Variants in MAST2 observed in about 807,000 individuals in gnomAD.
The protein encoded by MAST2 is microtubule-associated serine/threonine-protein kinase 2.
MAST2 carries 70 observed loss-of-function variants against 147.4 expected under a neutral mutation model. The observed-to-expected ratio is 0.47, with a 90% CI of 0.39 to 0.58. MAST2 has a LOEUF of 0.58. MAST2 is among the 20% of genes least tolerant of loss of function. The probability of loss-of-function intolerance (pLI) is 0.00; values close to 1 mark genes in which losing one functional copy is unlikely to be tolerated. For missense variants in MAST2, 2,080 were observed against 2,302.3 expected, an observed-to-expected ratio of 0.90 and a Z score of 1.98; for synonymous variants, 869 against 896.8, an observed-to-expected ratio of 0.97 and a Z score of 0.55.
In MAST2 at chr1:46,010,850, CGA is replaced by C; in HGVS notation, c.1102_1103del (p.Asp368LeufsTer4). The C allele has an allele frequency of 6.2e-7, 1 of 1,614,178 alleles. No homozygotes were observed. The highest frequency in any genetic ancestry group is 8.5e-7 in the Non-Finnish European group (1 of 1,180,022). ...FIHHQVIEMA[R>X]DCLDKSRSGL... ...TCATCATCAGGTGATTGAGATGGCCCGAGACTGCCTGGATAAATCTCGGAGTG... is the reference window on the plus strand; with the variant it reads ...TCATCATCAGGTGATTGAGATGGCCCGACTGCCTGGATAAATCTCGGAGTG... On this transcript the variant is annotated frameshift_variant, in exon 10 of 29. Coordinates refer to ENST00000361297, the MANE Select transcript of MAST2 (RefSeq NM_015112.3). LOFTEE classifies it high-confidence loss of function.
At chr1:45,865,184 G>C (rs776630874) in intron 3 of MAST2, 1 of 454,164 alleles carries the variant, frequency 2.2e-6, no homozygotes, top group South Asian at 1.6e-5. Context: ...TCCTTTTAAT[G>C]TCTCTTGTAA....
intron 11 of MAST2, 138 bp downstream of exon 11, chr1:46,019,835 C>A: frequency 1.4e-6 from 1 of 723,900 alleles, no homozygotes; most frequent in Non-Finnish European, 2.3e-6. Context: ...GATTTGCCAC[C>A]ATTGGGGGAC....
chr1:45,989,781 G>A (rs770231971), intron 5 of MAST2, among the ~76,000 whole-genome samples: 8 of 152,050 alleles, frequency 5.3e-5, no homozygotes, highest in Admixed American at 1.3e-4. Flanking sequence ...TTGTTTTACT[G>A]TCTCCATAGT....
chr1:45,829,038 G>A (rs1451586980), intron 2 of MAST2, among the ~76,000 whole-genome samples: 1 of 152,124 alleles, frequency 6.6e-6, no homozygotes, highest in Non-Finnish European at 1.5e-5. Context: ...CTGAGCACAT[G>A]GAGTCTAGTG....
chr1:45,918,362 G>A (rs987997255), intron 4 of MAST2, among the ~76,000 whole-genome samples: 2 of 152,238 alleles, frequency 1.3e-5, no homozygotes, highest in African/African-American at 2.4e-5. Flanking sequence ...ACAGAGTCCA[G>A]TGATACTGGT....
At chr1:45,894,923 G>T (rs1433585007) in intron 4 of MAST2, among the ~76,000 whole-genome samples, 1 of 152,080 alleles carries the variant, frequency 6.6e-6, no homozygotes, top group Non-Finnish European at 1.5e-5. Flanking sequence ...AATTATTGAT[G>T]GTTATATCCC....
At chr1:45,934,416 G>T (rs796684046) in intron 4 of MAST2, among the ~76,000 whole-genome samples, 2 of 151,930 alleles carry the variant, frequency 1.3e-5, no homozygotes, top group African/African-American at 4.8e-5. Flanking sequence ...AACCCAGGAC[G>T]CAGAGCTTGC....
chr1:45,959,863 C>T (rs535253122), intron 5 of MAST2, among the ~76,000 whole-genome samples: 4 of 152,214 alleles, frequency 2.6e-5, no homozygotes, highest in African/African-American at 4.8e-5. Flanking sequence ...GAGGGTTTTT[C>T]GTCTAATGGG....
intron 4 of MAST2, among the ~76,000 whole-genome samples, chr1:45,952,393 G>A (rs1275747465): frequency 6.6e-6 from 1 of 152,144 alleles, no homozygotes; most frequent in Non-Finnish European, 1.5e-5. Context: ...GATGGAGAAT[G>A]ACTGCTAATG....
chr1:45,895,617 A>G (rs930743277), intron 4 of MAST2, among the ~76,000 whole-genome samples: 3 of 152,238 alleles, frequency 2.0e-5, no homozygotes, highest in Non-Finnish European at 4.4e-5. Flanking sequence ...AATTCTTTGG[A>G]CATTTGGTGG....
In MAST2 at chr1:46,023,316, T is replaced by C. The variant is rs1646266745; in HGVS notation, c.1569T>C (p.Tyr523=). 1 of 1,613,912 alleles carries C rather than the reference T, an allele frequency of 6.2e-7. No homozygotes were observed. The highest frequency in any genetic ancestry group is 1.3e-5 in the African/African-American group (1 of 75,008). The change falls in exon 14 of 29, where the codon TAT becomes TAC. Residue 523 remains tyrosine, a splice_region_variant and synonymous_variant. Transcript: ENST00000361297. The surrounding 1 kb of genome is among the most constrained non-coding windows in gnomAD (Gnocchi z 4.9). ...ETIKLISNGA[Y]GAVFLVRHKS... is the part of the protein sequence containing the mutation. ...TTAAGCTCATCAGCAATGGCGCCTA[T>C]GGGTAAAGGCAGGGGTCAGGGTGTG...
intron 4 of MAST2, among the ~76,000 whole-genome samples, chr1:45,921,671 C>T (rs940150207): frequency 1.3e-5 from 2 of 152,166 alleles, no homozygotes; most frequent in Non-Finnish European, 2.9e-5. Context: ...CAAGGGAACG[C>T]GGTGGTGCCC....
rs562931117 is a variant in MAST2 at position 45,807,061 on chromosome 1, G to C, written c.177+2989G>C. Among the ~76,000 whole-genome samples, 4 of 152,264 alleles carry C rather than the reference G, an allele frequency of 2.6e-5. 1 individual carries two copies. Among genetic ancestry groups the C allele is most frequent in the Admixed American group, 6.5e-5 (1 of 15,294 alleles). On this transcript the variant is annotated intron_variant, in intron 1 of 28. Coordinates refer to ENST00000361297, the MANE Select transcript of MAST2 (RefSeq NM_015112.3). ...TGTGAAAAGTTTTCATTGTGAAATA[G>C]TTACAGAGAGAAATATGTAAAAGTC... is the stretch of plus-strand genomic sequence containing the variant.
At chr1:45,891,681 C>A (rs1351242178) in intron 4 of MAST2, among the ~76,000 whole-genome samples, 1 of 151,212 alleles carries the variant, frequency 6.6e-6, no homozygotes, top group African/African-American at 2.4e-5. Flanking sequence ...AATCTCCTAC[C>A]TTTTCATCTA....
intron 3 of MAST2, among the ~76,000 whole-genome samples, chr1:45,856,064 A>C (rs1645778707): frequency 6.6e-6 from 1 of 152,224 alleles, no homozygotes; most frequent in South Asian, 2.1e-4. Context: ...CTGAGTGTAT[A>C]CACAGTGCAA....
chr1:45,899,576 T>G (rs2148472068), intron 4 of MAST2, among the ~76,000 whole-genome samples: 1 of 152,250 alleles, frequency 6.6e-6, no homozygotes, highest in East Asian at 1.9e-4. Flanking sequence ...TTTCTGTTTC[T>G]GAGTTATTTC....
In MAST2 at chr1:46,036,011, A is replaced by G. The variant is rs140638885; in HGVS notation, c.5342A>G (p.His1781Arg). ...AGGAGGGGCCAAGAACCAGGGGGCC[A>G]TCAAAAGCATCGGGATTTGGCATTG... is the stretch of plus-strand genomic sequence containing the variant. ...SLRRGQEPGGHQKHRDLALVP... is the reference protein window; with the variant it reads ...SLRRGQEPGGRQKHRDLALVP... Residue 1781 changes from histidine (H) to arginine (R), a missense_variant, in exon 29 of 29, where the codon CAT becomes CGT. Coordinates refer to ENST00000361297, the MANE Select transcript of MAST2 (RefSeq NM_015112.3). The G allele has an allele frequency of 9.3e-6, 15 of 1,613,306 alleles. No individual in the cohort carries two copies. The African/African-American group carries it at 1.7e-4, about 19-fold the overall frequency.
At chr1:45,852,192 A>G (rs11211204) in intron 3 of MAST2, among the ~76,000 whole-genome samples, 51,636 of 151,904 alleles carry the variant, frequency 0.34, 9,186 homozygotes, top group African/African-American at 0.44. Context: ...AAGTCATGCA[A>G]TCTCATCCCA....
chr1:46,007,238 A>C (rs567372628), intron 8 of MAST2, among the ~76,000 whole-genome samples: 3 of 152,324 alleles, frequency 2.0e-5, no homozygotes, highest in African/African-American at 7.2e-5. Context: ...CCAGAGGAGC[A>C]GCAGTTCCTC....
Sources: allele counts gnomAD v4.1 joint callset (sites outside exome capture counted in the v4.1 genomes callset), GRCh38; gene constraint gnomAD v4.1.1; non-coding constraint Gnocchi (gnomAD v3.1); transcripts MANE v1.5; gene names NCBI Gene and HGNC (gene_info 2026-07-23, HGNC 2026-07-21).